The following RAPGEF4 variants were observed in gnomAD, a reference collection of about 807,000 sequenced individuals.
RAPGEF4 encodes Rap guanine nucleotide exchange factor 4.
In RAPGEF4, 66 loss-of-function variants were observed where a neutral mutation model predicts 147.9. That is an observed-to-expected ratio of 0.45 (90% confidence interval 0.37 to 0.55). The LOEUF is 0.55. RAPGEF4 is among the 20% of genes least tolerant of loss of function. RAPGEF4 has a pLI of 0.00. For missense variants in RAPGEF4, 1,071 were observed against 1,257.3 expected (o/e 0.85, Z 2.24); for synonymous variants, 419 against 442.7 (o/e 0.95, Z 0.67).
intron 3 of RAPGEF4, among the ~76,000 whole-genome samples, chr2:172,806,462 A>G (rs1687506771): frequency 1.3e-5 from 2 of 152,224 alleles, no homozygotes; most frequent in South Asian, 4.1e-4. Flanking sequence ...TGGGGATAAT[A>G]GCTCTTATCT....
chr2:172,866,895 C>A (rs1053840850), intron 4 of RAPGEF4, among the ~76,000 whole-genome samples: 4 of 151,708 alleles, frequency 2.6e-5, no homozygotes, highest in Non-Finnish European at 5.9e-5. Context: ...AGAATTTGTC[C>A]CGCTAATTAA....
At chr2:172,991,560 A>G (rs1441299290) in intron 15 of RAPGEF4, among the ~76,000 whole-genome samples, 1 of 152,240 alleles carries the variant, frequency 6.6e-6, no homozygotes, top group Non-Finnish European at 1.5e-5. Flanking sequence ...ACTGCATCAA[A>G]TGTACCAACA....
intron 8 of RAPGEF4, 82 bp downstream of exon 8, chr2:172,961,310 T>C (rs1160684178): frequency 6.9e-6 from 8 of 1,161,896 alleles, no homozygotes; most frequent in South Asian, 1.3e-5. Flanking sequence ...CTCCCTGTTT[T>C]CCATGTGGGC....
At chr2:172,845,300 C>T (rs1692057433) in intron 4 of RAPGEF4, among the ~76,000 whole-genome samples, 1 of 152,148 alleles carries the variant, frequency 6.6e-6, no homozygotes, top group Non-Finnish European at 1.5e-5. Context: ...AAGTCATCGC[C>T]TCTTATGCTT....
intron 1 of RAPGEF4, among the ~76,000 whole-genome samples, chr2:172,769,566 G>A (rs530894895): frequency 1.3e-5 from 2 of 152,122 alleles, no homozygotes; most frequent in South Asian, 4.2e-4. Context: ...GTAGATAGGG[G>A]GAGTTCAGGG....
At chr2:172,992,158 C>T (rs1368803706) in intron 15 of RAPGEF4, among the ~76,000 whole-genome samples, 1 of 152,138 alleles carries the variant, frequency 6.6e-6, no homozygotes, top group Non-Finnish European at 1.5e-5. Flanking sequence ...ATATTGCAAA[C>T]CACTCCATAT....
intron 4 of RAPGEF4, among the ~76,000 whole-genome samples, chr2:172,885,151 G>A (rs573155182): frequency 1.3e-5 from 2 of 152,246 alleles, no homozygotes; most frequent in Non-Finnish European, 2.9e-5. Context: ...GTTTGACCAT[G>A]AGGGCTGAAT....
At chr2:172,849,930 G>A (rs921818739) in intron 4 of RAPGEF4, among the ~76,000 whole-genome samples, 3 of 152,188 alleles carry the variant, frequency 2.0e-5, no homozygotes, top group African/African-American at 7.2e-5. Context: ...CCACAGATAG[G>A]AGTTGGGGAA....
chr2:172,757,404 T>C (rs879815718), intron 1 of RAPGEF4, among the ~76,000 whole-genome samples: 1 of 152,234 alleles, frequency 6.6e-6, no homozygotes, highest in Admixed American at 6.5e-5. Context: ...ATGTGGATTA[T>C]CTGTTTTAAT....
intron 4 of RAPGEF4, among the ~76,000 whole-genome samples, chr2:172,890,496 C>A (rs949145588): frequency 1.3e-5 from 2 of 152,188 alleles, no homozygotes; most frequent in African/African-American, 4.8e-5. Context: ...TCCACTTCTG[C>A]AAATAAATAA....
Position 172,967,358 on chromosome 2 carries a change from G to C in RAPGEF4, c.918G>C (p.Lys306Asn). The C allele has an allele frequency of 6.2e-7, 1 of 1,612,150 alleles. No homozygotes were observed. The change falls in exon 10 of 31, where the codon AAG (lysine) becomes AAC (asparagine). Residue 306 changes from lysine to asparagine, a missense_variant. By Grantham distance (94) the Lys-to-Asn change is moderately conservative. Coordinates refer to ENST00000397081, the MANE Select transcript of RAPGEF4 (RefSeq NM_007023.4). ...CTTTGCCTACTGAGGAGGAGAAGAA[G>C]GAGTGTGATGAGGAGCTCCAGGACA... Reference protein sequence around the residue: ...DAPLPTEEEKKECDEELQDTM... With the variant: ...DAPLPTEEEKNECDEELQDTM...
At chr2:172,831,266 C>CTTTTTTTTTGTTTTTTTTTTTTTTTTTT (rs1690283297) in intron 4 of RAPGEF4, among the ~76,000 whole-genome samples, 1 of 53,876 alleles carries the variant, frequency 1.9e-5, no homozygotes, top group Non-Finnish European at 3.6e-5. Context: ...AGATAGAAAA[C>CTTTTTTTTTGTTTTTTTTTTTTTTTTTT]TTTTTTTTTT....
chr2:172,754,330 G>C (rs1324930453), intron 1 of RAPGEF4, among the ~76,000 whole-genome samples: 2 of 151,724 alleles, frequency 1.3e-5, no homozygotes, highest in Non-Finnish European at 2.9e-5. Context: ...CCTTATTGTT[G>C]GACAACTAAG....
intron 29 of RAPGEF4, among the ~76,000 whole-genome samples, chr2:173,045,593 C>T (rs924698120): frequency 4.6e-5 from 7 of 152,128 alleles, no homozygotes; most frequent in African/African-American, 1.4e-4. Context: ...GGGTCATTGC[C>T]GTGGCATTTG....
At chr2:172,780,274 G>A (rs1017359385) in intron 1 of RAPGEF4, among the ~76,000 whole-genome samples, 2 of 152,160 alleles carry the variant, frequency 1.3e-5, no homozygotes, top group Non-Finnish European at 2.9e-5. Flanking sequence ...GCTCACTATA[G>A]CATCTTTAAC....
intron 4 of RAPGEF4, among the ~76,000 whole-genome samples, chr2:172,874,491 A>G (rs1305782680): frequency 6.6e-6 from 1 of 152,096 alleles, no homozygotes; most frequent in Admixed American, 6.6e-5. Flanking sequence ...GAGTGAGAAC[A>G]TGCGATGTTT....
At position 172,862,314 on chromosome 2, in the gene RAPGEF4, G is replaced by A. The variant is rs1047633016; in HGVS notation, c.444+47889G>A. On this transcript the variant is annotated intron_variant, in intron 4 of 30. Transcript: ENST00000397081. ...TATTGTTCTGATATTCTTTGGGACC[G>A]GGTCAGAAGGAAGTGTCAGAGAGAG... Among the ~76,000 whole-genome samples, 7 of 152,100 alleles carry A rather than the reference G, an allele frequency of 4.6e-5. No individual in the cohort carries two copies. The East Asian group carries it at 5.8e-4, about 13-fold the overall frequency.
intron 22 of RAPGEF4, among the ~76,000 whole-genome samples, chr2:173,019,895 T>C (rs563050754): frequency 2.0e-5 from 3 of 152,238 alleles, no homozygotes; most frequent in Admixed American, 2.0e-4. Context: ...ACCCCTGTGA[T>C]ATTTTTTTCT....
intron 21 of RAPGEF4, 58 bp downstream of exon 21, chr2:173,017,562 G>A: frequency 6.6e-7 from 1 of 1,505,868 alleles, no homozygotes. Flanking sequence ...CAGGATAATG[G>A]TAAGCATCAC....
Sources: allele counts gnomAD v4.1 joint callset (sites outside exome capture counted in the v4.1 genomes callset), GRCh38; gene constraint gnomAD v4.1.1; transcripts MANE v1.5; gene names NCBI Gene and HGNC (gene_info 2026-07-23, HGNC 2026-07-21).